Variants in SLC49A4 observed in about 807,000 individuals in gnomAD.
The protein encoded by SLC49A4 is solute carrier family 49 member 4.
Under a neutral mutation model 50.6 loss-of-function variants are expected in SLC49A4, and 36 were observed. That is an observed-to-expected ratio of 0.71 (90% CI 0.55 to 0.94). The LOEUF is 0.94. Among genes scored for constraint, SLC49A4 ranks in the 40% least tolerant of loss-of-function variants. The pLI is 0.00. For synonymous variants in SLC49A4, 248 were observed against 241.2 expected (o/e 1.03, Z -0.26); for missense variants, 503 against 605.7 (o/e 0.83, Z 1.78).
chr3:122,822,649 C>T (rs1191232438), intron 2 of SLC49A4, among the ~76,000 whole-genome samples: 1 of 152,174 alleles, frequency 6.6e-6, no homozygotes, highest in Non-Finnish European at 1.5e-5. Flanking sequence ...GTTCTTGGAA[C>T]TCGTCTCTCT....
Position 122,795,159 on chromosome 3 carries a change from C to T in SLC49A4, c.-34C>T, listed in dbSNP as rs1218488633. On this transcript the variant is annotated 5_prime_UTR_variant, in exon 1 of 9. Transcript: ENST00000261038. ...GGCTAGTCGGCGGTGACCCGGACTGCGCCCGGCAGTGGCTTCGCGGGCGAC... is the reference window on the plus strand; with the variant it reads ...GGCTAGTCGGCGGTGACCCGGACTGTGCCCGGCAGTGGCTTCGCGGGCGAC... 2 of 1,311,652 alleles carry T rather than the reference C, an allele frequency of 1.5e-6. No homozygotes were observed. Among genetic ancestry groups the T allele is most frequent in the Non-Finnish European group, 1.9e-6 (2 of 1,039,482 alleles). The allele number at this position is 1,311,652 out of a possible 1,614,324, so 81.3% of individuals were successfully genotyped here.
At chr3:122,873,700 T>C (rs1042978273) in intron 8 of SLC49A4, among the ~76,000 whole-genome samples, 3 of 152,178 alleles carry the variant, frequency 2.0e-5, no homozygotes, top group Admixed American at 6.5e-5. Flanking sequence ...GAGAGTGATA[T>C]TAATGAAGTC....
At chr3:122,824,852 C>A (rs141157230) in intron 2 of SLC49A4, among the ~76,000 whole-genome samples, 3 of 151,234 alleles carry the variant, frequency 2.0e-5, no homozygotes, top group African/African-American at 7.3e-5. Flanking sequence ...CGCGCCTCAG[C>A]CTTCTGAGTA....
chr3:122,833,911 C>T (rs1936640013), intron 4 of SLC49A4, among the ~76,000 whole-genome samples: 1 of 152,026 alleles, frequency 6.6e-6, no homozygotes, highest in South Asian at 2.1e-4. Flanking sequence ...CACATATCAC[C>T]TGAAATCATT....
chr3:122,868,182 G>C (rs930558421), intron 7 of SLC49A4, among the ~76,000 whole-genome samples: 1 of 151,724 alleles, frequency 6.6e-6, no homozygotes, highest in Non-Finnish European at 1.5e-5. Context: ...GGTTTTTTAC[G>C]GGCACAAGGG....
At chr3:122,797,401 CTA>C (rs1258357837) in intron 1 of SLC49A4, among the ~76,000 whole-genome samples, 5 of 152,294 alleles carry the variant, frequency 3.3e-5, no homozygotes, top group African/African-American at 7.2e-5. Context: ...AAGATATAGA[CTA>C]TGTGAAGATC....
intron 4 of SLC49A4, among the ~76,000 whole-genome samples, chr3:122,838,991 C>T (rs1004893247): frequency 1.3e-5 from 2 of 152,130 alleles, no homozygotes; most frequent in Non-Finnish European, 1.5e-5. Context: ...TCAAATTATA[C>T]TACAAGGGTA....
chr3:122,819,823 CT>C (rs1205760576), intron 2 of SLC49A4, among the ~76,000 whole-genome samples: 2 of 150,996 alleles, frequency 1.3e-5, no homozygotes, highest in Non-Finnish European at 2.9e-5. Context: ...AAACACATGA[CT>C]TTTTTTTAAA....
chr3:122,846,382 A>ACACTG (rs775495817), intron 5 of SLC49A4, among the ~76,000 whole-genome samples: 5 of 152,152 alleles, frequency 3.3e-5, no homozygotes, highest in Non-Finnish European at 5.9e-5. Context: ...AGAAGAGAAC[A>ACACTG]CACTGCTGTG....
intron 1 of SLC49A4, among the ~76,000 whole-genome samples, chr3:122,801,998 A>T (rs1319747352): frequency 1.3e-5 from 2 of 152,146 alleles, no homozygotes; most frequent in African/African-American, 4.8e-5. Context: ...AATGAAAAAT[A>T]AGAAATCAAA....
At chr3:122,809,140 G>A (rs1157149996) in intron 2 of SLC49A4, among the ~76,000 whole-genome samples, 1 of 152,142 alleles carries the variant, frequency 6.6e-6, no homozygotes, top group Non-Finnish European at 1.5e-5. Context: ...GAATTTTTCA[G>A]TTTCAAAATA....
At chr3:122,822,190 T>C (rs1041672484) in intron 2 of SLC49A4, among the ~76,000 whole-genome samples, 2 of 152,150 alleles carry the variant, frequency 1.3e-5, no homozygotes, top group African/African-American at 4.8e-5. Flanking sequence ...TTCACTGTAC[T>C]GAAGATTATG....
intron 6 of SLC49A4, among the ~76,000 whole-genome samples, chr3:122,857,444 G>A (rs921412783): frequency 6.6e-6 from 1 of 152,032 alleles, no homozygotes; most frequent in Non-Finnish European, 1.5e-5. Flanking sequence ...ACTTTACCAT[G>A]AAGAGGAGAA....
At chr3:122,869,343 A>G (rs1937164805) in intron 7 of SLC49A4, among the ~76,000 whole-genome samples, 3 of 152,168 alleles carry the variant, frequency 2.0e-5, no homozygotes, top group Non-Finnish European at 4.4e-5. Context: ...TTAATATAAC[A>G]TACTTTTCAG....
At chr3:122,854,003 A>G (rs560519407) in intron 5 of SLC49A4, among the ~76,000 whole-genome samples, 4 of 152,210 alleles carry the variant, frequency 2.6e-5, no homozygotes, top group Non-Finnish European at 4.4e-5. Context: ...GTAGAAAAGT[A>G]CTAAATGTTC....
chr3:122,800,693 A>T (rs897216360), intron 1 of SLC49A4, among the ~76,000 whole-genome samples: 3 of 152,330 alleles, frequency 2.0e-5, no homozygotes, highest in South Asian at 2.1e-4. Flanking sequence ...AAGCATTGAC[A>T]GTTGATTCTT....
In SLC49A4 at chr3:122,795,148, G is replaced by A. The variant is rs1218141231; in HGVS notation, c.-45G>A. The A allele has an allele frequency of 7.7e-7, 1 of 1,305,184 alleles. No individual in the cohort carries two copies. The highest frequency in any genetic ancestry group is 9.7e-7 in the Non-Finnish European group (1 of 1,035,650). The allele number at this position is 1,305,184 out of a possible 1,614,324, so 80.9% of individuals were successfully genotyped here. Reference sequence around the variant, plus strand: ...ATTCTGCGCTGGGCTAGTCGGCGGTGACCCGGACTGCGCCCGGCAGTGGCT... The same window carrying A: ...ATTCTGCGCTGGGCTAGTCGGCGGTAACCCGGACTGCGCCCGGCAGTGGCT... On this transcript the variant is annotated 5_prime_UTR_variant, in exon 1 of 9. Transcript: ENST00000261038.
chr3:122,836,922 G>A, intron 4 of SLC49A4, among the ~76,000 whole-genome samples: 1 of 152,080 alleles, frequency 6.6e-6, no homozygotes. Context: ...ACCAATAGCA[G>A]ACAAACAGAG....
chr3:122,795,328 C>T lies in SLC49A4; in HGVS notation c.136C>T (p.Arg46Trp), dbSNP rs1040813822. ...GCCCGCGGCGGTCCCGGGTCCCGGGCGGGTATACGGGCGCCGCTGGCTGGT... is the reference window on the plus strand; with the variant it reads ...GCCCGCGGCGGTCCCGGGTCCCGGGTGGGTATACGGGCGCCGCTGGCTGGT... ...ALPAAVPGPG[R>W]VYGRRWLVLL... The change falls in exon 1 of 9, where the codon CGG becomes TGG. Residue 46 changes from arginine (R) to tryptophan (W), a missense_variant. Arg to Trp is a moderately radical substitution (Grantham distance 101). Coordinates refer to ENST00000261038, the MANE Select transcript of SLC49A4 (RefSeq NM_032839.3). 4 of 1,517,904 alleles carry T rather than the reference C, an allele frequency of 2.6e-6. No homozygotes were observed. Among genetic ancestry groups the T allele is most frequent in the African/African-American group, 1.5e-5 (1 of 68,800 alleles). The allele number at this position is 1,517,904 out of a possible 1,614,324, so 94.0% of individuals were successfully genotyped here.
Sources: allele counts gnomAD v4.1 joint callset (sites outside exome capture counted in the v4.1 genomes callset), GRCh38; gene constraint gnomAD v4.1.1; transcripts MANE v1.5; gene names NCBI Gene and HGNC (gene_info 2026-07-23, HGNC 2026-07-21).